Variants in TLN2 observed in about 807,000 individuals in gnomAD.
The protein encoded by TLN2 is talin-2.
Under a neutral mutation model 294.7 loss-of-function variants are expected in TLN2, and 118 were observed. That is an observed-to-expected ratio of 0.40 (90% CI 0.34 to 0.47). The LOEUF is 0.47. Among genes scored for constraint, TLN2 ranks in the 20% least tolerant of loss-of-function variants. TLN2 has a pLI of 0.84. For missense variants in TLN2, 3,083 were observed against 3,282.2 expected (o/e 0.94, Z 1.48); for synonymous variants, 1,431 against 1,304.5 (o/e 1.10, Z -2.09).
chr15:62,480,918 C>G (rs1176544320), intron 1 of TLN2, among the ~76,000 whole-genome samples: 1 of 152,202 alleles, frequency 6.6e-6, no homozygotes, highest in Non-Finnish European at 1.5e-5. Flanking sequence ...TTCTGTCAAT[C>G]TCCCCTCATT....
rs140206654 is a variant in TLN2, at chr15:62,684,321, A to T, written c.958-2320A>T. Among the ~76,000 whole-genome samples the T allele has an allele frequency of 4.9e-4, 75 of 152,282 alleles. 1 individual carries two copies. In the East Asian group the frequency reaches 6.9e-3, roughly 14 times the overall value. ...CCCTTCCTGGGTCCCAGAAGCTGGG[A>T]TTGTGCCAACCCTGTGTGACTAAAT... On this transcript the variant is annotated intron_variant, in intron 11 of 58. Coordinates refer to ENST00000636159, the MANE Select transcript of TLN2 (RefSeq NM_015059.3).
chr15:62,480,572 T>G (rs1179749045), intron 1 of TLN2, among the ~76,000 whole-genome samples: 4 of 152,196 alleles, frequency 2.6e-5, no homozygotes, highest in African/African-American at 7.2e-5. Flanking sequence ...AGAAAAGTAA[T>G]TTACAACCTG....
chr15:62,801,632 T>G (rs186274629), intron 50 of TLN2, among the ~76,000 whole-genome samples: 14 of 152,306 alleles, frequency 9.2e-5, no homozygotes, highest in Non-Finnish European at 1.6e-4. Flanking sequence ...TCTTGTCATA[T>G]CATTAAAGAA....
At chr15:62,726,124 A>C (rs1463599973) in intron 27 of TLN2, among the ~76,000 whole-genome samples, 1 of 151,790 alleles carries the variant, frequency 6.6e-6, no homozygotes, top group African/African-American at 2.4e-5. Flanking sequence ...TACCCCAGGG[A>C]GTGCAAGAGA....
intron 1 of TLN2, among the ~76,000 whole-genome samples, chr15:62,522,687 G>A (rs887761531): frequency 5.9e-5 from 9 of 151,948 alleles, no homozygotes; most frequent in Non-Finnish European, 1.2e-4. Flanking sequence ...TGTTTGGCAG[G>A]TTTTCTTGCT....
intron 40 of TLN2, among the ~76,000 whole-genome samples, chr15:62,763,987 G>A (rs1453249753): frequency 2.0e-5 from 3 of 152,166 alleles, no homozygotes; most frequent in African/African-American, 4.8e-5. Flanking sequence ...TTAGGGGTAC[G>A]GTGGGTACCG....
At chr15:62,778,004 C>T (rs2063838998) in intron 43 of TLN2, among the ~76,000 whole-genome samples, 1 of 152,276 alleles carries the variant, frequency 6.6e-6, no homozygotes, top group African/African-American at 2.4e-5. Context: ...TTTGAAATGT[C>T]CATTGTCAGA....
At chr15:62,537,722 G>A (rs2041443437) in intron 1 of TLN2, among the ~76,000 whole-genome samples, 2 of 152,170 alleles carry the variant, frequency 1.3e-5, no homozygotes, top group African/African-American at 2.4e-5. Flanking sequence ...AGGATTGTTT[G>A]AAGAGTGGGT....
chr15:62,606,328 C>G (rs984586339), intron 2 of TLN2, among the ~76,000 whole-genome samples: 4 of 151,148 alleles, frequency 2.6e-5, no homozygotes, highest in Non-Finnish European at 4.4e-5. Context: ...TGACCTCAGG[C>G]GATCCACCCA....
rs2039832633 is a variant in TLN2 at position 62,509,728 on chromosome 15, G to T, written c.-237-79959G>T. 2.0e-5 allele frequency among the ~76,000 whole-genome samples: 3 copies of T among 152,156 alleles called. No homozygotes were observed. The South Asian group carries it at 6.2e-4, about 32-fold the overall frequency. ...GGCTTGTCAGGTCATGGCCATCCGT[G>T]CGCCTCCTTTACAGACAGGACCACT... On this transcript the variant is annotated intron_variant, in intron 1 of 58. Coordinates refer to ENST00000636159, the MANE Select transcript of TLN2 (RefSeq NM_015059.3).
intron 1 of TLN2, among the ~76,000 whole-genome samples, chr15:62,565,336 A>G (rs1050605204): frequency 1.3e-5 from 2 of 152,228 alleles, no homozygotes; most frequent in South Asian, 2.1e-4. Flanking sequence ...TAAAAACATT[A>G]AAGTATATAC....
At chr15:62,763,532 G>A (rs1467547521) in intron 39 of TLN2, 31 bp from the exon 40 acceptor site, 1 of 1,581,818 alleles carries the variant, frequency 6.3e-7, no homozygotes, top group Non-Finnish European at 8.6e-7. Flanking sequence ...GCCCCATGGA[G>A]CCTGTGTCCA....
chr15:62,568,496 C>T (rs2043598717), intron 1 of TLN2, among the ~76,000 whole-genome samples: 1 of 152,222 alleles, frequency 6.6e-6, no homozygotes, highest in Non-Finnish European at 1.5e-5. Context: ...ACTCAGAAGA[C>T]TCACAAGTAG....
intron 45 of TLN2, among the ~76,000 whole-genome samples, chr15:62,789,500 A>G (rs761367371): frequency 6.6e-6 from 1 of 152,108 alleles, no homozygotes; most frequent in Non-Finnish European, 1.5e-5. Context: ...GCACTGGGGT[A>G]TGTTTTTAGA....
rs75870653 is a variant in TLN2 at position 62,732,424 on chromosome 15, T to C, written c.3359-4454T>C. ...GAAGGATGATGGAAGGAACTGAAGA[T>C]GGTGAAAGTAATAGGCAAAGAGTAA... On this transcript the variant is annotated intron_variant, in intron 28 of 58. Coordinates refer to ENST00000636159, the MANE Select transcript of TLN2 (RefSeq NM_015059.3). 6.8e-3 allele frequency among the ~76,000 whole-genome samples: 1,032 copies of C among 152,228 alleles called. 12 individuals are homozygous for C. Among genetic ancestry groups the C allele is most frequent in the African/African-American group, 0.023 (965 of 41,536 alleles).
At chr15:62,514,127 C>A (rs544265164) in intron 1 of TLN2, among the ~76,000 whole-genome samples, 2 of 152,104 alleles carry the variant, frequency 1.3e-5, no homozygotes, top group African/African-American at 4.8e-5. Context: ...CTTTGGTCAC[C>A]AGTTGCTTGT....
At chr15:62,501,088 G>T (rs771806227) in intron 1 of TLN2, among the ~76,000 whole-genome samples, 3 of 152,236 alleles carry the variant, frequency 2.0e-5, no homozygotes, top group Non-Finnish European at 1.5e-5. Flanking sequence ...ATGCGCCATG[G>T]GGCATGTTAT....
chr15:62,560,839 C>T (rs992568399), intron 1 of TLN2, among the ~76,000 whole-genome samples: 2 of 152,206 alleles, frequency 1.3e-5, no homozygotes, highest in African/African-American at 4.8e-5. Context: ...GACAGTGTGT[C>T]ACCCCTTTCC....
intron 32 of TLN2, among the ~76,000 whole-genome samples, chr15:62,746,241 G>A (rs556695788): frequency 2.0e-5 from 3 of 152,324 alleles, no homozygotes; most frequent in African/African-American, 7.2e-5. Flanking sequence ...TAGCACATAT[G>A]TTGATATATG....
Sources: gnomAD v4.1 joint callset for allele counts (sites outside exome capture counted in the v4.1 genomes callset) on GRCh38, gnomAD v4.1.1 for gene constraint, MANE v1.5 for transcripts, NCBI Gene and HGNC (gene_info 2026-07-23, HGNC 2026-07-21) for gene names.